PPP6R3: variants seen among roughly 807,000 people sequenced by gnomAD.
PPP6R3 encodes serine/threonine-protein phosphatase 6 regulatory subunit 3.
Under a neutral mutation model 110.7 loss-of-function variants are expected in PPP6R3, and 38 were observed. The ratio of observed to expected loss-of-function variants is 0.34; its 90% CI spans 0.26 to 0.45. The LOEUF is 0.45. PPP6R3 is among the 20% of genes least tolerant of loss of function. The pLI, the probability that PPP6R3 is intolerant of heterozygous loss-of-function variation, is 1.00. For synonymous variants in PPP6R3, 369 were observed against 373.5 expected (o/e 0.99, Z 0.14); for missense variants, 870 against 1,062.4 (o/e 0.82, Z 2.52).
intron 3 of PPP6R3, among the ~76,000 whole-genome samples, chr11:68,540,364 A>G (rs368792345): frequency 3.0e-4 from 46 of 152,286 alleles, no homozygotes; most frequent in African/African-American, 1.1e-3. Context: ...AAAACCAGCA[A>G]GTTTTTATTA....
In PPP6R3 at chr11:68,613,156, C is replaced by T. The variant is rs77945063; in HGVS notation, c.*39C>T. ...CTGCTGCTGACTGAGGACTGCAGAC[C>T]GCCACCACTCAGGGGCTCTGGAGGG... On this transcript the variant is annotated 3_prime_UTR_variant, in exon 24 of 24. Coordinates refer to ENST00000393800, the MANE Select transcript of PPP6R3 (RefSeq NM_001164161.2). The T allele has an allele frequency of 3.1e-4, 504 of 1,612,540 alleles. 1 individual carries two copies. The African/African-American group carries it at 5.7e-3, about 18-fold the overall frequency.
At chr11:68,588,826 A>C (rs186527874) in intron 16 of PPP6R3, among the ~76,000 whole-genome samples, 28 of 152,160 alleles carry the variant, frequency 1.8e-4, no homozygotes, top group Admixed American at 7.2e-4. Context: ...CTTTCACAGA[A>C]GCCTATTGTT....
At chr11:68,494,809 G>A (rs1229406149) in intron 1 of PPP6R3, among the ~76,000 whole-genome samples, 2 of 151,838 alleles carry the variant, frequency 1.3e-5, no homozygotes, top group Non-Finnish European at 1.5e-5. Flanking sequence ...GGATCTTAAC[G>A]GCCCCCCAGC....
chr11:68,542,389 G>GTTTGTTT (rs2099321682), intron 3 of PPP6R3, among the ~76,000 whole-genome samples: 1 of 40,188 alleles, frequency 2.5e-5, no homozygotes, highest in African/African-American at 1.0e-4. Context: ...AGAAGCTGCT[G>GTTTGTTT]TTTTTTTTTT....
In PPP6R3 at chr11:68,569,934, C is replaced by T. The variant is rs781321846; in HGVS notation, c.1278+37C>T. 4.5e-6 allele frequency: 7 copies of T among 1,569,306 alleles called. No homozygotes were observed. In the African/African-American group the frequency reaches 6.8e-5, roughly 15 times the overall value. ...TGGTCTCGTTTTTCTCCCACTCTCTCCTGGTTATAGCAGTTTTCCACTTGA... is the reference window on the plus strand; with the variant it reads ...TGGTCTCGTTTTTCTCCCACTCTCTTCTGGTTATAGCAGTTTTCCACTTGA... On this transcript the variant is annotated intron_variant, in intron 11 of 23. Coordinates refer to ENST00000393800, the MANE Select transcript of PPP6R3 (RefSeq NM_001164161.2).
intron 11 of PPP6R3, among the ~76,000 whole-genome samples, chr11:68,570,708 TTTTAA>T (rs1168146425): frequency 6.6e-6 from 1 of 152,252 alleles, no homozygotes; most frequent in Non-Finnish European, 1.5e-5. Context: ...CTTTATTCCA[TTTTAA>T]TTTAGCTCAG....
intron 1 of PPP6R3, among the ~76,000 whole-genome samples, chr11:68,486,325 G>C (rs756142181): frequency 1.3e-5 from 2 of 152,080 alleles, no homozygotes; most frequent in Non-Finnish European, 2.9e-5. Flanking sequence ...GTCTGCGACT[G>C]CCGGGTGCAG....
chr11:68,569,517 G>A (rs1249886828), intron 10 of PPP6R3, among the ~76,000 whole-genome samples: 1 of 152,202 alleles, frequency 6.6e-6, no homozygotes, highest in Non-Finnish European at 1.5e-5. Context: ...ATGTCTTACT[G>A]TATTATACTC....
At chr11:68,537,544 AACTTATG>A in intron 2 of PPP6R3, 108 bp from the exon 3 acceptor site, 1 of 677,104 alleles carries the variant, frequency 1.5e-6, no homozygotes. Context: ...AAGCTTATTT[AACTTATG>A]TGAGCCAAGT....
chr11:68,461,289 G>C (rs886710946), intron 1 of PPP6R3, among the ~76,000 whole-genome samples: 7 of 152,086 alleles, frequency 4.6e-5, no homozygotes, highest in African/African-American at 1.7e-4. Flanking sequence ...GCAACTCGCC[G>C]TCAAGAGTCG....
intron 3 of PPP6R3, among the ~76,000 whole-genome samples, chr11:68,542,335 A>G (rs902026790): frequency 4.9e-4 from 52 of 105,762 alleles, no homozygotes; most frequent in African/African-American, 1.7e-3. Flanking sequence ...ATGGAGGAGG[A>G]GGGGTCTTGC....
chr11:68,541,916 T>A (rs1207921542), intron 3 of PPP6R3, among the ~76,000 whole-genome samples: 1 of 151,900 alleles, frequency 6.6e-6, no homozygotes, highest in Non-Finnish European at 1.5e-5. Flanking sequence ...TACAGGTTCT[T>A]TGGAGGGGCC....
rs573955634 is a variant in PPP6R3, at chr11:68,488,086, T to G, written c.-158+27259T>G. 1.8e-4 allele frequency among the ~76,000 whole-genome samples: 28 copies of G among 152,376 alleles called. 1 individual carries two copies. The highest frequency in any genetic ancestry group is 1.4e-3 in the Admixed American group (21 of 15,304). On this transcript the variant is annotated intron_variant, in intron 1 of 23. Coordinates refer to ENST00000393800, the MANE Select transcript of PPP6R3 (RefSeq NM_001164161.2). ...TAAGGATTGTTATGTCTTCTTGGAATATTTCTTCCTTTATCATTATGTAAT... is the reference window on the plus strand; with the variant it reads ...TAAGGATTGTTATGTCTTCTTGGAAGATTTCTTCCTTTATCATTATGTAAT...
intron 23 of PPP6R3, among the ~76,000 whole-genome samples, chr11:68,610,467 G>C (rs1942850802): frequency 6.6e-6 from 1 of 152,168 alleles, no homozygotes; most frequent in Non-Finnish European, 1.5e-5. Context: ...AGGAGAACTT[G>C]CTGGAGCCCT....
At chr11:68,577,742 G>T (rs2099537432) in intron 14 of PPP6R3, among the ~76,000 whole-genome samples, 1 of 152,064 alleles carries the variant, frequency 6.6e-6, no homozygotes, top group African/African-American at 2.4e-5. Context: ...AAAATAAAAC[G>T]TTCAGCCCCT....
At chr11:68,494,292 G>A (rs1315836496) in intron 1 of PPP6R3, among the ~76,000 whole-genome samples, 1 of 151,108 alleles carries the variant, frequency 6.6e-6, no homozygotes, top group Non-Finnish European at 1.5e-5. Context: ...TTGGGAGGCC[G>A]AGGCGGGCGG....
At position 68,556,699 on chromosome 11, in the gene PPP6R3, G is replaced by A. The variant is rs7934473; in HGVS notation, c.732-1867G>A. 4.2e-3 allele frequency among the ~76,000 whole-genome samples: 644 copies of A among 152,180 alleles called. 2 individuals carry two copies. Among genetic ancestry groups the A allele is most frequent in the African/African-American group, 0.015 (612 of 41,522 alleles). On this transcript the variant is annotated intron_variant, in intron 7 of 23. Coordinates refer to ENST00000393800, the MANE Select transcript of PPP6R3 (RefSeq NM_001164161.2). The stretch of plus-strand genomic sequence containing the variant: ...AATGTGAAAATGAATATATTTTCTC[G>A]CATGTAATTAAATATCTTTTTATTG...
At chr11:68,525,832 T>A (rs1256828149) in intron 2 of PPP6R3, among the ~76,000 whole-genome samples, 1 of 152,170 alleles carries the variant, frequency 6.6e-6, no homozygotes, top group Admixed American at 6.5e-5. Flanking sequence ...TGTAAGATAT[T>A]TGAATAATAA....
intron 2 of PPP6R3, among the ~76,000 whole-genome samples, chr11:68,531,050 C>T (rs1360452484): frequency 6.6e-6 from 1 of 152,126 alleles, no homozygotes; most frequent in Non-Finnish European, 1.5e-5. Context: ...CCACTGATAT[C>T]AACTTTTTCA....
Sources: gnomAD v4.1 joint callset for allele counts (sites outside exome capture counted in the v4.1 genomes callset) on GRCh38, gnomAD v4.1.1 for gene constraint, MANE v1.5 for transcripts, NCBI Gene and HGNC (gene_info 2026-07-23, HGNC 2026-07-21) for gene names.